TOP6BL: variants seen among roughly 807,000 people sequenced by gnomAD.
TOP6BL encodes the protein TOP6B like initiator of meiotic double strand breaks.
At chr11:66,748,153 C>CTGGG in the TOP6BL span, among the ~76,000 whole-genome samples, 7 of 152,140 alleles carry the variant, frequency 4.6e-5, no homozygotes, top group Non-Finnish European at 1.0e-4. Flanking sequence ...TCCTGTCTTA[C>CTGGG]TGGGCATTAT....
the TOP6BL span, among the ~76,000 whole-genome samples, chr11:66,765,669 C>G: frequency 5.6e-4 from 86 of 152,312 alleles, 1 homozygote; most frequent in African/African-American, 2.0e-3. Flanking sequence ...GCGCCTGCCA[C>G]CACGGCCAGC....
the TOP6BL span, chr11:66,813,924 G>A: frequency 6.2e-7 from 1 of 1,613,776 alleles, no homozygotes; most frequent in Non-Finnish European, 8.5e-7. Context: ...AGCAGCCGAT[G>A]ACTACTTTCT....
the TOP6BL span, among the ~76,000 whole-genome samples, chr11:66,827,992 A>G: frequency 5.7e-4 from 85 of 150,200 alleles, no homozygotes; most frequent in African/African-American, 1.7e-3. Flanking sequence ...AAAAAAAAAA[A>G]AGAGAGATGG....
At chr11:66,792,845 A>G in the TOP6BL span, among the ~76,000 whole-genome samples, 1 of 152,172 alleles carries the variant, frequency 6.6e-6, no homozygotes, top group Non-Finnish European at 1.5e-5. Context: ...CCCTATAATC[A>G]CCAAGGTTAC....
chr11:66,843,007 C>T, the TOP6BL span: 1 of 1,551,034 alleles, frequency 6.4e-7, no homozygotes, highest in African/African-American at 1.4e-5. Context: ...AGGAAGGGAG[C>T]ACCGCGAGGC....
the TOP6BL span, among the ~76,000 whole-genome samples, chr11:66,787,057 C>A: frequency 3.2e-4 from 48 of 152,172 alleles, no homozygotes; most frequent in African/African-American, 9.9e-4. Flanking sequence ...CCTCAGCCTC[C>A]TGAGTAGCTG....
chr11:66,791,439 A>T, the TOP6BL span, among the ~76,000 whole-genome samples: 1 of 152,200 alleles, frequency 6.6e-6, no homozygotes, highest in Non-Finnish European at 1.5e-5. Flanking sequence ...ATATACATAC[A>T]AACATATATA....
chr11:66,751,080 A>G, the TOP6BL span, among the ~76,000 whole-genome samples: 6 of 151,426 alleles, frequency 4.0e-5, no homozygotes, highest in Non-Finnish European at 5.9e-5. Context: ...CAGTGGTGCA[A>G]TCACTGCTCA....
the TOP6BL span, among the ~76,000 whole-genome samples, chr11:66,823,578 T>C: frequency 1.2e-4 from 19 of 152,150 alleles, no homozygotes; most frequent in African/African-American, 4.3e-4. Context: ...CCCAGCACTT[T>C]GGGAGGCTGA....
the TOP6BL span, chr11:66,756,326 C>T: frequency 1.7e-6 from 2 of 1,195,806 alleles, no homozygotes; most frequent in South Asian, 1.5e-5. Context: ...CAGTTAACCC[C>T]CTTTTCCCCC....
the TOP6BL span, chr11:66,804,144 G>A: frequency 2.5e-6 from 4 of 1,613,696 alleles, no homozygotes; most frequent in Non-Finnish European, 3.4e-6. Context: ...CTGTGCCCCA[G>A]CCCAAAGGTT....
At chr11:66,748,479 C>G in the TOP6BL span, 1 of 1,548,674 alleles carries the variant, frequency 6.5e-7, no homozygotes, top group East Asian at 2.5e-5. Flanking sequence ...GGATTAAATT[C>G]TAAGCACCAG....
the TOP6BL span, among the ~76,000 whole-genome samples, chr11:66,825,787 G>A: frequency 1.3e-5 from 2 of 151,820 alleles, no homozygotes; most frequent in Middle Eastern, 3.5e-3. Flanking sequence ...CTTTAGGAAT[G>A]TGTGCTGACC....
the TOP6BL span, chr11:66,762,213 C>G: frequency 3.1e-6 from 2 of 648,936 alleles, no homozygotes; most frequent in Non-Finnish European, 5.6e-6. Flanking sequence ...GCCGGAGGTG[C>G]AGGGCCCGCG....
chr11:66,804,306 T>TA, the TOP6BL span: 7 of 924,582 alleles, frequency 7.6e-6, no homozygotes, highest in Non-Finnish European at 1.1e-5. Context: ...ATGATTTGTA[T>TA]AAAAACATAT....
chr11:66,838,490 AAGTAAAAAACGTG>A, the TOP6BL span: 93 of 1,559,496 alleles, frequency 6.0e-5, no homozygotes, highest in Non-Finnish European at 7.7e-5. Context: ...GCAGCAGAGG[AAGTAAAAAACGTG>A]AGTTCAAACT....
At chr11:66,772,403 G>A in the TOP6BL span, among the ~76,000 whole-genome samples, 5 of 152,210 alleles carry the variant, frequency 3.3e-5, no homozygotes, top group Non-Finnish European at 1.5e-5. Flanking sequence ...ACCAGGAGTT[G>A]TAGGGTGCAG....
the TOP6BL span, chr11:66,788,244 T>A: frequency 6.2e-7 from 1 of 1,613,048 alleles, no homozygotes; most frequent in African/African-American, 1.3e-5. Flanking sequence ...ATGACAGGGG[T>A]AACACCCTTC....
the TOP6BL span, among the ~76,000 whole-genome samples, chr11:66,766,017 T>G: frequency 6.6e-6 from 1 of 152,234 alleles, no homozygotes; most frequent in African/African-American, 2.4e-5. Flanking sequence ...ATCTTTACAC[T>G]GTTTAGTTAG....
Sources: gnomAD v4.1 joint callset for allele counts (sites outside exome capture counted in the v4.1 genomes callset) on GRCh38, gnomAD v4.1.1 for gene constraint, MANE v1.5 for transcripts, NCBI Gene and HGNC (gene_info 2026-07-23, HGNC 2026-07-21) for gene names.